The following HLTF variants were observed in gnomAD, a reference collection of about 807,000 sequenced individuals.
The protein encoded by HLTF is helicase like transcription factor, also known as DNA-dependent ATPase/E3 ubiquitin-protein ligase HLTF.
Under a neutral mutation model 129.4 loss-of-function variants are expected in HLTF, and 127 were observed. That is an observed-to-expected ratio of 0.98 (90% CI 0.85 to 1.14). The LOEUF (loss-of-function observed/expected upper bound fraction) is 1.14, where lower values mean the gene tolerates loss of function less well. HLTF is among the 50% of genes most tolerant of loss of function. The pLI, the probability that HLTF is intolerant of heterozygous loss-of-function variation, is 0.00. For synonymous variants in HLTF, 332 were observed against 388.8 expected (o/e 0.85, Z 1.72); for missense variants, 1,139 against 1,187.1 (o/e 0.96, Z 0.60).
intron 2 of HLTF, among the ~76,000 whole-genome samples, chr3:149,082,786 T>C (rs1450640508): frequency 2.6e-5 from 4 of 152,166 alleles, no homozygotes; most frequent in Non-Finnish European, 5.9e-5. Context: ...AAATTATAAG[T>C]CCAATATAGA....
At chr3:149,063,387 G>A (rs1439768463) in intron 10 of HLTF, 44 bp downstream of exon 10, 2 of 1,235,260 alleles carry the variant, frequency 1.6e-6, no homozygotes, top group Non-Finnish European at 2.4e-6. Context: ...TAAGAAAACA[G>A]AGTCTAAATA....
At chr3:149,071,494 C>A in intron 6 of HLTF, 51 bp from the exon 7 acceptor site, 1 of 1,502,200 alleles carries the variant, frequency 6.7e-7, no homozygotes, top group Non-Finnish European at 9.2e-7. Context: ...TCCTTTTTCA[C>A]ATGCAGATCC....
chr3:149,047,937 G>A, intron 17 of HLTF, 91 bp downstream of exon 17: 2 of 1,057,746 alleles, frequency 1.9e-6, no homozygotes, highest in Non-Finnish European at 2.7e-6. Flanking sequence ...AAAGTTAAGA[G>A]TCAAGTTAAA....
At chr3:149,070,684 T>C (rs1222650216) in intron 7 of HLTF, among the ~76,000 whole-genome samples, 1 of 152,216 alleles carries the variant, frequency 6.6e-6, no homozygotes, top group Admixed American at 6.5e-5. Context: ...TAACATTGTT[T>C]TGTCTTTACT....
chr3:149,085,040 T>C (rs1277295543), intron 1 of HLTF, 151 bp from the exon 2 acceptor site: 7 of 641,102 alleles, frequency 1.1e-5, no homozygotes, highest in Non-Finnish European at 1.6e-5. Context: ...AAAGCAGGAA[T>C]TGCAGTGAGT....
chr3:149,048,704 A>G (rs1252245196), intron 16 of HLTF, among the ~76,000 whole-genome samples, 159 bp downstream of exon 16: 2 of 152,250 alleles, frequency 1.3e-5, no homozygotes, highest in Non-Finnish European at 2.9e-5. Context: ...ATCACGGGCA[A>G]TTATGAAGAA....
chr3:149,062,578 A>G (rs1576604735), intron 10 of HLTF, among the ~76,000 whole-genome samples: 1 of 152,248 alleles, frequency 6.6e-6, no homozygotes, highest in South Asian at 2.1e-4. Context: ...AGATAAATGA[A>G]GTTTGTAAAG....
In HLTF at chr3:149,065,417, T is replaced by C. The variant is rs1222388734; in HGVS notation, c.991-551A>G. Among the ~76,000 whole-genome samples the C allele has an allele frequency of 2.6e-5, 4 of 152,202 alleles. No homozygotes were observed. The South Asian group carries it at 8.3e-4, about 31-fold the overall frequency. On this transcript the variant is annotated intron_variant, in intron 8 of 24. Coordinates refer to ENST00000310053, the MANE Select transcript of HLTF (RefSeq NM_003071.4). ...GTACCTTTGTTTCCAAAGGCACCAATGTACATGAATTGAAAACAATTTTAT... is the reference window on the plus strand; with the variant it reads ...GTACCTTTGTTTCCAAAGGCACCAACGTACATGAATTGAAAACAATTTTAT...
Position 149,030,357 on chromosome 3 carries a change from A to G in HLTF, c.*1863T>C, listed in dbSNP as rs1166317823. The stretch of plus-strand genomic sequence containing the variant: ...ATTTTTTAAATTAAACTTTTAAAAT[A>G]TAACAACATCTAACAGAACTGTACA... On this transcript the variant is annotated 3_prime_UTR_variant, in exon 25 of 25. Transcript: ENST00000310053. 1.3e-5 allele frequency: 2 copies of G among 152,228 alleles called. No individual in the cohort carries two copies. 9.4% of individuals were successfully genotyped at this position (152,228 alleles called of 1,614,324 possible). A position where few individuals can be genotyped will look rare whatever the true frequency, so the allele number is the denominator to read the frequency against.
At chr3:149,044,492 TCA>T (rs1304384911) in intron 18 of HLTF, among the ~76,000 whole-genome samples, 3 of 152,156 alleles carry the variant, frequency 2.0e-5, no homozygotes, top group African/African-American at 7.2e-5. Flanking sequence ...ATTGCTATCT[TCA>T]CAGTTAGATC....
chr3:149,064,944 CT>C, intron 8 of HLTF, 78 bp from the exon 9 acceptor site: 1 of 780,362 alleles, frequency 1.3e-6, no homozygotes. Context: ...TTTTATATTG[CT>C]TTACTTTGCA....
chr3:149,074,777 G>C (rs1049286111), intron 3 of HLTF, among the ~76,000 whole-genome samples: 2 of 152,082 alleles, frequency 1.3e-5, no homozygotes, highest in African/African-American at 4.8e-5. Flanking sequence ...TGAAAAAGGA[G>C]AAAACAAAGT....
intron 2 of HLTF, among the ~76,000 whole-genome samples, chr3:149,083,448 TTGTTC>T (rs1720061078): frequency 6.6e-6 from 1 of 152,112 alleles, no homozygotes; most frequent in African/African-American, 2.4e-5. Flanking sequence ...AAAATACTGA[TTGTTC>T]TAAGATCAAT....
In HLTF at chr3:149,084,669, C is replaced by T. The variant is rs965523380; in HGVS notation, c.228+13G>A. ...AATATAATCAAAATTTAATTATCTACTATTATACTCACTACTCCCGTGTAA... is the reference window on the plus strand; with the variant it reads ...AATATAATCAAAATTTAATTATCTATTATTATACTCACTACTCCCGTGTAA... On this transcript the variant is annotated intron_variant, in intron 2 of 24. Transcript: ENST00000310053. 5.1e-6 allele frequency: 8 copies of T among 1,563,922 alleles called. No homozygotes were observed. The highest frequency in any genetic ancestry group is 7.0e-6 in the Non-Finnish European group (8 of 1,138,538).
At position 149,086,495 on chromosome 3, in the gene HLTF, C is replaced by T. The variant is rs1368958126; in HGVS notation, c.-159G>A. On this transcript the variant is annotated 5_prime_UTR_variant, in exon 1 of 25. Transcript: ENST00000310053. ...GACTGAAAGGTAAGTCGCCGCGAGTCCAGTCAGACGTCGACGCCGTCTCCT... is the reference window on the plus strand; with the variant it reads ...GACTGAAAGGTAAGTCGCCGCGAGTTCAGTCAGACGTCGACGCCGTCTCCT... 4 of 728,982 alleles carry T rather than the reference C, an allele frequency of 5.5e-6. No individual in the cohort carries two copies. Among genetic ancestry groups the T allele is most frequent in the South Asian group, 1.8e-5 (1 of 56,274 alleles). The allele number at this position is 728,982 out of a possible 1,614,324, so 45.2% of individuals were successfully genotyped here. A position where few individuals can be genotyped will look rare whatever the true frequency, so the allele number is the denominator to read the frequency against.
In HLTF at chr3:149,084,637, C is replaced by T. The variant is rs567451329; in HGVS notation, c.228+45G>A. On this transcript the variant is annotated intron_variant, in intron 2 of 24. Coordinates refer to ENST00000310053, the MANE Select transcript of HLTF (RefSeq NM_003071.4). Reference sequence around the variant, plus strand: ...CGAATTCTCTTATTTTCTAGGTTAACGCCAGAAATATAATCAAAATTTAAT... The same window carrying T: ...CGAATTCTCTTATTTTCTAGGTTAATGCCAGAAATATAATCAAAATTTAAT... 33 of 1,357,850 alleles carry T rather than the reference C, an allele frequency of 2.4e-5. No homozygotes were observed. In the South Asian group the frequency reaches 2.5e-4, roughly 10 times the overall value. 84.1% of individuals were successfully genotyped at this position (1,357,850 alleles called of 1,614,324 possible).
At chr3:149,050,700 G>C (rs1484503500) in intron 14 of HLTF, among the ~76,000 whole-genome samples, 3 of 152,098 alleles carry the variant, frequency 2.0e-5, no homozygotes, top group African/African-American at 7.2e-5. Flanking sequence ...GCATTAGTTA[G>C]CAGACTTAAT....
Position 149,068,309 on chromosome 3 carries a change from T to C in HLTF, c.921A>G (p.Val307=). 2 of 1,560,150 alleles carry C rather than the reference T, an allele frequency of 1.3e-6. No individual in the cohort carries two copies. The highest frequency in any genetic ancestry group is 1.8e-6 in the Non-Finnish European group (2 of 1,135,344). ...GLGKTLTAIA[V]ILTNFHDGRP... ...TGCCATCATGGAAGTTGGTAAGGAT[T>C]ACTGCAATGGCCGTAAGAGTTTTAC... Residue 307 remains valine (V), a synonymous_variant, in exon 8 of 25, where the codon GTA becomes GTG. Transcript: ENST00000310053.
intron 2 of HLTF, among the ~76,000 whole-genome samples, chr3:149,082,980 G>A (rs779509974): frequency 6.6e-6 from 1 of 152,088 alleles, no homozygotes; most frequent in Non-Finnish European, 1.5e-5. Context: ...GGCTGGGCGC[G>A]GTGGCTCATG....
Sources: allele counts gnomAD v4.1 joint callset (sites outside exome capture counted in the v4.1 genomes callset), GRCh38; gene constraint gnomAD v4.1.1; transcripts MANE v1.5; gene names NCBI Gene and HGNC (gene_info 2026-07-23, HGNC 2026-07-21).